YWHAQ: variants seen among roughly 807,000 people sequenced by gnomAD.
YWHAQ encodes 14-3-3 protein theta.
A neutral mutation model predicts 28.3 loss-of-function variants in YWHAQ; 6 were observed. The observed-to-expected ratio is 0.21, with a 90% CI of 0.12 to 0.42. The LOEUF (loss-of-function observed/expected upper bound fraction) is 0.42. Ranked by LOEUF, YWHAQ falls within the 10% of genes least tolerant of loss-of-function variation. The pLI is 1.00. For missense variants in YWHAQ, 201 were observed against 305.6 expected (o/e 0.66, Z 2.55); for synonymous variants, 143 against 119.1 (o/e 1.20, Z -1.31).
chr2:9,624,415 C>A (rs570198186), intron 2 of YWHAQ, among the ~76,000 whole-genome samples: 2 of 152,078 alleles, frequency 1.3e-5, no homozygotes, highest in Non-Finnish European at 2.9e-5. Flanking sequence ...GATATCAACA[C>A]GTTAGGAAGA....
intron 2 of YWHAQ, among the ~76,000 whole-genome samples, chr2:9,624,471 C>T (rs538592944): frequency 3.9e-5 from 6 of 152,052 alleles, no homozygotes; most frequent in African/African-American, 7.3e-5. Context: ...TAATACAGCT[C>T]ATTTTATTTA....
chr2:9,588,778 A>G lies in YWHAQ; in HGVS notation c.419-450T>C, dbSNP rs1335923840. 5.9e-5 allele frequency among the ~76,000 whole-genome samples: 9 copies of G among 152,130 alleles called. No individual in the cohort carries two copies. The East Asian group carries it at 1.7e-3, about 29-fold the overall frequency. Reference sequence around the variant, plus strand: ...AGAACGATACTCTGTGTCAAAAACAAACAAACAAAAACAATATTGTGTACT... The same window carrying G: ...AGAACGATACTCTGTGTCAAAAACAGACAAACAAAAACAATATTGTGTACT... On this transcript the variant is annotated intron_variant, in intron 3 of 5. Coordinates refer to ENST00000238081, the MANE Select transcript of YWHAQ (RefSeq NM_006826.4).
chr2:9,628,152 G>A (rs1167756690), intron 2 of YWHAQ, among the ~76,000 whole-genome samples: 1 of 151,984 alleles, frequency 6.6e-6, no homozygotes, highest in Non-Finnish European at 1.5e-5. Flanking sequence ...TTGAAGAAGT[G>A]CTTTCCCAAG....
chr2:9,605,033 GAT>G (rs924006515), intron 2 of YWHAQ, among the ~76,000 whole-genome samples: 19 of 152,074 alleles, frequency 1.2e-4, no homozygotes, highest in African/African-American at 4.3e-4. Flanking sequence ...ACTTTGAAAT[GAT>G]ATGTGAATTA....
At position 9,591,523 on chromosome 2, in the gene YWHAQ, A is replaced by G. The variant is rs1666454544; in HGVS notation, c.295-8T>C. 6.2e-7 allele frequency: 1 copy of G among 1,602,708 alleles called. No individual in the cohort carries two copies. The highest frequency in any genetic ancestry group is 8.5e-7 in the Non-Finnish European group (1 of 1,171,536). ...ATATTTATCCAACAATTCCTGAAAT[A>G]AATAAGACAGAACATTAGGCACTAA... On this transcript the variant is annotated splice_polypyrimidine_tract_variant and splice_region_variant and intron_variant, in intron 2 of 5. Coordinates refer to ENST00000238081, the MANE Select transcript of YWHAQ (RefSeq NM_006826.4).
intron 2 of YWHAQ, among the ~76,000 whole-genome samples, chr2:9,611,304 T>C (rs2125069920): frequency 1.3e-5 from 2 of 152,342 alleles, no homozygotes; most frequent in East Asian, 3.9e-4. Context: ...TCTTGATTCC[T>C]ACGTGAGTCT....
chr2:9,587,280 T>C, intron 5 of YWHAQ, 134 bp downstream of exon 5: 2 of 711,324 alleles, frequency 2.8e-6, no homozygotes, highest in Non-Finnish European at 2.2e-6. Context: ...ATAATGTTCG[T>C]CCCATAAAAT....
intron 2 of YWHAQ, among the ~76,000 whole-genome samples, chr2:9,603,445 AT>A (rs1339046676): frequency 1.3e-5 from 2 of 149,134 alleles, no homozygotes; most frequent in Non-Finnish European, 1.5e-5. Flanking sequence ...AATTTTTCTA[AT>A]TTTTTTTTAG....
At chr2:9,585,579 C>T (rs888840532) in intron 5 of YWHAQ, among the ~76,000 whole-genome samples, 1 of 151,854 alleles carries the variant, frequency 6.6e-6, no homozygotes, top group Non-Finnish European at 1.5e-5. Flanking sequence ...CATACATATA[C>T]CACTGGAGCA....
rs752690192 is a variant in YWHAQ, at chr2:9,630,470, G to C, written c.-18C>G. Reference sequence around the variant, plus strand: ...TTCTCCATGGCGGGCGCGGGGCCGGGGCCGGGGCGGAGGGCGAGGAGAGCG... The same window carrying C: ...TTCTCCATGGCGGGCGCGGGGCCGGCGCCGGGGCGGAGGGCGAGGAGAGCG... On this transcript the variant is annotated 5_prime_UTR_variant, in exon 2 of 6. Transcript: ENST00000238081. This position sits in a 1 kb window ranked among gnomAD's most constrained non-coding sequence, Gnocchi z 5.6. 2 of 1,577,776 alleles carry C rather than the reference G, an allele frequency of 1.3e-6. No homozygotes were observed. The highest frequency in any genetic ancestry group is 1.7e-6 in the Non-Finnish European group (2 of 1,165,202).
intron 3 of YWHAQ, among the ~76,000 whole-genome samples, chr2:9,590,934 C>G (rs1274360445): frequency 1.3e-5 from 2 of 152,148 alleles, no homozygotes; most frequent in African/African-American, 4.8e-5. Flanking sequence ...AATGTTATGA[C>G]CCCTTAAAAT....
intron 3 of YWHAQ, among the ~76,000 whole-genome samples, chr2:9,588,661 C>G (rs2125061982): frequency 6.6e-6 from 1 of 152,298 alleles, no homozygotes; most frequent in South Asian, 2.1e-4. Context: ...ATCCCAGCTA[C>G]TCAGGAGGCT....
At chr2:9,591,760 A>T (rs73913140) in intron 2 of YWHAQ, among the ~76,000 whole-genome samples, 2,715 of 152,350 alleles carry the variant, frequency 0.018, 87 homozygotes, top group African/African-American at 0.063. Context: ...TCTAGATTAC[A>T]CCAAACATTG....
At chr2:9,599,095 G>A (rs1666635870) in intron 2 of YWHAQ, among the ~76,000 whole-genome samples, 1 of 152,184 alleles carries the variant, frequency 6.6e-6, no homozygotes, top group Non-Finnish European at 1.5e-5. Flanking sequence ...TATGTGGTCT[G>A]AATAGAAGCT....
chr2:9,588,720 G>A lies in YWHAQ; in HGVS notation c.419-392C>T, dbSNP rs191057062. Among the ~76,000 whole-genome samples the A allele has an allele frequency of 1.1e-3, 162 of 152,036 alleles. 1 individual carries two copies. The highest frequency in any genetic ancestry group is 3.4e-3 in the African/African-American group (143 of 41,476). The stretch of plus-strand genomic sequence containing the variant: ...TGGGAGGCTGAGGTTGCAGTGAGCC[G>A]ACATCACACCACTGCACTCCAGCTT... On this transcript the variant is annotated intron_variant, in intron 3 of 5. Transcript: ENST00000238081.
At chr2:9,610,138 T>C (rs1666915975) in intron 2 of YWHAQ, among the ~76,000 whole-genome samples, 1 of 152,206 alleles carries the variant, frequency 6.6e-6, no homozygotes, top group Admixed American at 6.5e-5. Flanking sequence ...ATTGATTATT[T>C]GCTCCAGAAG....
rs561788218 is a variant in YWHAQ, at chr2:9,625,248, C to T, written c.294+4911G>A. ...CTGTACCCCAGCCTGGGTGGCAGAG[C>T]AAGACTCCATCACAAAAAAAAAAAA... On this transcript the variant is annotated intron_variant, in intron 2 of 5. Coordinates refer to ENST00000238081, the MANE Select transcript of YWHAQ (RefSeq NM_006826.4). Among the ~76,000 whole-genome samples the T allele has an allele frequency of 1.3e-4, 18 of 142,388 alleles. 1 individual carries two copies. The South Asian group carries it at 3.4e-3, about 27-fold the overall frequency. The allele number at this position is 142,388 out of a possible 152,430, so 93.4% of individuals were successfully genotyped here.
chr2:9,598,452 T>G (rs1666622913), intron 2 of YWHAQ, among the ~76,000 whole-genome samples: 1 of 152,176 alleles, frequency 6.6e-6, no homozygotes, highest in African/African-American at 2.4e-5. Flanking sequence ...GCAGATACTG[T>G]GGTGTGTTTT....
intron 2 of YWHAQ, among the ~76,000 whole-genome samples, chr2:9,611,774 G>A (rs1050208194): frequency 1.3e-5 from 2 of 152,156 alleles, no homozygotes; most frequent in Non-Finnish European, 1.5e-5. Context: ...GGGTTCAAGC[G>A]ATTCTCGTGC....
Sources: allele counts gnomAD v4.1 joint callset (sites outside exome capture counted in the v4.1 genomes callset), GRCh38; gene constraint gnomAD v4.1.1; non-coding constraint Gnocchi (gnomAD v3.1); transcripts MANE v1.5; gene names NCBI Gene and HGNC (gene_info 2026-07-23, HGNC 2026-07-21).